Variants in MGST1 observed in about 807,000 individuals in gnomAD.
MGST1 encodes glutathione S-transferase 12.
Under a neutral mutation model 8.9 loss-of-function variants are expected in MGST1, and 5 were observed. The observed-to-expected ratio is 0.56, with a 90% CI of 0.29 to 1.19. The LOEUF (loss-of-function observed/expected upper bound fraction) is 1.19. Ranked by LOEUF, MGST1 falls within the 50% of genes most tolerant of loss-of-function variation. MGST1 has a pLI of 0.08. For synonymous variants in MGST1, 54 were observed against 67.8 expected, an observed-to-expected ratio of 0.80 and a Z score of 1.00; for missense variants, 182 against 187.4, an observed-to-expected ratio of 0.97 and a Z score of 0.17.
chr12:16,542,504 C>G (rs940281679), intron 4 of MGST1, among the ~76,000 whole-genome samples: 1 of 152,170 alleles, frequency 6.6e-6, no homozygotes, highest in Non-Finnish European at 1.5e-5. Flanking sequence ...CTGTTTGCTA[C>G]ATTAGCTATA....
chr12:16,421,166 G>A (rs1172453178), intron 1 of MGST1, among the ~76,000 whole-genome samples: 3 of 152,090 alleles, frequency 2.0e-5, no homozygotes, highest in Admixed American at 2.0e-4. Context: ...CGTGGCTGCT[G>A]CACATATCCA....
intron 3 of MGST1, among the ~76,000 whole-genome samples, chr12:16,358,369 A>C (rs1565436144): frequency 6.6e-6 from 1 of 152,062 alleles, no homozygotes; most frequent in Non-Finnish European, 1.5e-5. Context: ...TCCCACTTAT[A>C]GGTGAGAACT....
intron 1 of MGST1, among the ~76,000 whole-genome samples, chr12:16,386,589 A>G (rs1940506013): frequency 1.3e-5 from 2 of 152,198 alleles, no homozygotes; most frequent in South Asian, 4.1e-4. Flanking sequence ...GCTTTTAAAA[A>G]ATAGTTTTTA....
chr12:16,515,636 A>G (rs941114007), intron 4 of MGST1, among the ~76,000 whole-genome samples: 2 of 151,496 alleles, frequency 1.3e-5, no homozygotes, highest in African/African-American at 4.8e-5. Flanking sequence ...ATCTCAGAAA[A>G]AAAAAAAAAA....
At chr12:16,445,958 CT>C (rs1941076469) in intron 4 of MGST1, among the ~76,000 whole-genome samples, 2 of 151,858 alleles carry the variant, frequency 1.3e-5, no homozygotes, top group African/African-American at 4.8e-5. Flanking sequence ...TAACTTTTAC[CT>C]CCACAGGCCA....
At chr12:16,359,582 A>G (rs939369129) in intron 3 of MGST1, among the ~76,000 whole-genome samples, 1 of 152,194 alleles carries the variant, frequency 6.6e-6, no homozygotes, top group Non-Finnish European at 1.5e-5. Context: ...AACAATATCA[A>G]AGGAAAAATT....
At chr12:16,437,339 A>C (rs2137099434) in intron 1 of MGST1, 1 of 152,070 alleles carries the variant, frequency 6.6e-6, no homozygotes, top group Non-Finnish European at 1.5e-5. Context: ...GCATATGGTA[A>C]AGGTGCCTGA....
At chr12:16,461,073 T>C (rs1022396388) in intron 4 of MGST1, among the ~76,000 whole-genome samples, 14 of 149,952 alleles carry the variant, frequency 9.3e-5, no homozygotes, top group Non-Finnish European at 1.2e-4. Flanking sequence ...GATAAAGTAA[T>C]AGAAACAACA....
chr12:16,539,484 T>C (rs1051871846), intron 4 of MGST1, among the ~76,000 whole-genome samples: 19 of 152,210 alleles, frequency 1.2e-4, no homozygotes, highest in Non-Finnish European at 1.8e-4. Context: ...AAAACTCATC[T>C]TCTTCCACAA....
chr12:16,412,963 G>A (rs139460625), intron 1 of MGST1, among the ~76,000 whole-genome samples: 79 of 152,262 alleles, frequency 5.2e-4, no homozygotes, highest in African/African-American at 1.9e-3. Context: ...CTTGATTCAA[G>A]AAGGACTCAG....
At chr12:16,570,267 T>C (rs1001749164) in intron 4 of MGST1, among the ~76,000 whole-genome samples, 1 of 152,174 alleles carries the variant, frequency 6.6e-6, no homozygotes, top group African/African-American at 2.4e-5. Flanking sequence ...CATTGAAGTC[T>C]TTTGATATCT....
chr12:16,464,583 C>A (rs1286586882), intron 4 of MGST1, among the ~76,000 whole-genome samples: 2 of 152,212 alleles, frequency 1.3e-5, no homozygotes, highest in East Asian at 1.9e-4. Flanking sequence ...GCAAACTAGC[C>A]TTTTAGAACC....
At chr12:16,399,500 C>G (rs1940634486) in intron 1 of MGST1, 1 of 1,561,176 alleles carries the variant, frequency 6.4e-7, no homozygotes, top group East Asian at 2.2e-5. Context: ...CCAACGACTC[C>G]TTAGAAGAGT....
chr12:16,520,962 A>C (rs1050344671), intron 4 of MGST1, among the ~76,000 whole-genome samples: 1 of 152,114 alleles, frequency 6.6e-6, no homozygotes, highest in Non-Finnish European at 1.5e-5. Context: ...AGGTGTTTGC[A>C]ATCCAATGGG....
intron 4 of MGST1, among the ~76,000 whole-genome samples, chr12:16,512,196 T>C (rs1941581387): frequency 2.0e-5 from 3 of 152,058 alleles, no homozygotes; most frequent in Admixed American, 1.3e-4. Context: ...TGCACGGACA[T>C]ATACACTGAG....
chr12:16,364,955 A>G (rs1940157574), downstream of MGST1, among the ~76,000 whole-genome samples: 2 of 152,066 alleles, frequency 1.3e-5, no homozygotes, highest in South Asian at 4.1e-4. This position sits in a 1 kb window ranked among gnomAD's most constrained non-coding sequence, Gnocchi z 5.7. Flanking sequence ...GATTTGTTTT[A>G]TCTATGATTT....
At chr12:16,521,695 C>T (rs373732313) in intron 4 of MGST1, among the ~76,000 whole-genome samples, 3 of 152,032 alleles carry the variant, frequency 2.0e-5, no homozygotes, top group South Asian at 2.1e-4. Context: ...TTCCCTTTGA[C>T]GATGAGAATT....
intron 1 of MGST1, among the ~76,000 whole-genome samples, chr12:16,407,796 G>A (rs1940708334): frequency 6.6e-6 from 1 of 152,074 alleles, no homozygotes; most frequent in South Asian, 2.1e-4. Context: ...CACATTGGGA[G>A]GCCAAGGCAG....
chr12:16,450,385 A>G (rs1334801508), intron 4 of MGST1, among the ~76,000 whole-genome samples: 1 of 151,938 alleles, frequency 6.6e-6, no homozygotes, highest in Middle Eastern at 3.2e-3. Flanking sequence ...CTGCTGAAAC[A>G]ACAAAATACA....
Sources: allele counts gnomAD v4.1 joint callset (sites outside exome capture counted in the v4.1 genomes callset), GRCh38; gene constraint gnomAD v4.1.1; non-coding constraint Gnocchi (gnomAD v3.1); transcripts MANE v1.5; gene names NCBI Gene and HGNC (gene_info 2026-07-23, HGNC 2026-07-21).